Variants in CD2AP observed in about 807,000 individuals in gnomAD.
CD2AP encodes the protein CD2 associated protein.
Under a neutral mutation model 85.1 loss-of-function variants are expected in CD2AP, and 46 were observed. The ratio of observed to expected loss-of-function variants is 0.54; its 90% CI spans 0.43 to 0.69. The LOEUF (loss-of-function observed/expected upper bound fraction) is 0.69, where lower values mean the gene tolerates loss of function less well. Ranked by LOEUF, CD2AP falls within the 30% of genes least tolerant of loss-of-function variation. The pLI is 0.00. For missense variants in CD2AP, 769 were observed against 729.5 expected, an observed-to-expected ratio of 1.05 and a Z score of -0.62; for synonymous variants, 255 against 252.9, an observed-to-expected ratio of 1.01 and a Z score of -0.08.
chr6:47,582,489 G>A (rs780189676), intron 11 of CD2AP, among the ~76,000 whole-genome samples: 1 of 152,024 alleles, frequency 6.6e-6, no homozygotes, highest in Non-Finnish European at 1.5e-5. Flanking sequence ...GTTATTCCAG[G>A]GTACCACATG....
intron 17 of CD2AP, 22 bp from the exon 18 acceptor site, chr6:47,624,164 C>T (rs1419708966): frequency 6.3e-7 from 1 of 1,584,826 alleles, no homozygotes; most frequent in East Asian, 2.2e-5. Context: ...TATGTTTGCT[C>T]AATTTATGTT....
At position 47,582,064 on chromosome 6, in the gene CD2AP, G is replaced by T. The variant is rs928920231; in HGVS notation, c.1107G>T (p.Lys369Asn). The T allele has an allele frequency of 1.3e-6, 2 of 1,577,458 alleles. No homozygotes were observed. The highest frequency in any genetic ancestry group is 1.7e-6 in the Non-Finnish European group (2 of 1,146,862). ...KKYFSLKPEE[K>N]DEKSTLEQKP... ...ATTTTTCTTTAAAGCCTGAAGAAAA[G>T]GGTGAGGCTAATTTTCAACTTTCAA... The change falls in exon 11 of 18, where the codon AAG becomes AAT. Residue 369 changes from lysine (K) to asparagine (N), a missense_variant and splice_region_variant. Physicochemically the swap from Lys to Asn is moderately conservative, Grantham distance 94. Transcript: ENST00000359314.
intron 11 of CD2AP, among the ~76,000 whole-genome samples, chr6:47,589,715 A>G (rs895878998): frequency 8.6e-5 from 13 of 151,978 alleles, no homozygotes; most frequent in African/African-American, 2.2e-4. Context: ...GCATTTGCCA[A>G]TCTTGAAAGT....
chr6:47,478,190 CTGGAGG>C lies in CD2AP; in HGVS notation c.-54_-49del, dbSNP rs1285852689. 2.1e-5 allele frequency: 30 copies of C among 1,430,144 alleles called. No homozygotes were observed. Among genetic ancestry groups the C allele is most frequent in the East Asian group, 5.2e-5 (2 of 38,134 alleles). 88.6% of individuals were successfully genotyped at this position (1,430,144 alleles called of 1,614,324 possible). A position where few individuals can be genotyped will look rare whatever the true frequency, so the allele number is the denominator to read the frequency against. ...GCGGGAGCGGCCGCGCGAGCCACCA[CTGGAGG>C]AGGAGGAGGAGGAGCGGACGTCGGC... On this transcript the variant is annotated 5_prime_UTR_variant, in exon 1 of 18. Coordinates refer to ENST00000359314, the MANE Select transcript of CD2AP (RefSeq NM_012120.3).
At chr6:47,525,108 G>T (rs1766688268) in intron 2 of CD2AP, among the ~76,000 whole-genome samples, 1 of 151,566 alleles carries the variant, frequency 6.6e-6, no homozygotes. Context: ...AGTATGGTAG[G>T]CCATTTTGTT....
chr6:47,524,610 G>GTT (rs66491194), intron 2 of CD2AP, among the ~76,000 whole-genome samples: 101 of 133,388 alleles, frequency 7.6e-4, no homozygotes, highest in African/African-American at 2.0e-3. Flanking sequence ...GTTCTTAAGT[G>GTT]TTTTTTTTTC....
At chr6:47,593,923 T>C (rs1260722581) in intron 11 of CD2AP, among the ~76,000 whole-genome samples, 1 of 151,974 alleles carries the variant, frequency 6.6e-6, no homozygotes, top group Non-Finnish European at 1.5e-5. Flanking sequence ...GTTTTATATA[T>C]GTGTGTGTGT....
chr6:47,531,499 A>G (rs1295155810), intron 2 of CD2AP, among the ~76,000 whole-genome samples: 2 of 150,554 alleles, frequency 1.3e-5, no homozygotes, highest in Non-Finnish European at 3.0e-5. Context: ...TAAGGTATGT[A>G]CTGGCTCAGC....
intron 10 of CD2AP, 99 bp from the exon 11 acceptor site, chr6:47,581,904 T>A: frequency 1.3e-6 from 1 of 798,774 alleles, no homozygotes; most frequent in South Asian, 1.4e-5. Context: ...TGGTTTCATC[T>A]GATGTTATTT....
chr6:47,539,688 T>G (rs181953093), intron 3 of CD2AP, among the ~76,000 whole-genome samples: 33 of 152,308 alleles, frequency 2.2e-4, no homozygotes, highest in Admixed American at 6.5e-4. Flanking sequence ...GTGTTAATGC[T>G]TTGTTGTGTG....
chr6:47,541,280 C>T (rs1032393993), intron 3 of CD2AP, among the ~76,000 whole-genome samples: 9 of 152,108 alleles, frequency 5.9e-5, no homozygotes, highest in East Asian at 3.9e-4. Context: ...CCCACCACCA[C>T]GCCCGGCTAA....
intron 2 of CD2AP, among the ~76,000 whole-genome samples, chr6:47,520,246 C>T (rs1766550982): frequency 6.6e-6 from 1 of 152,104 alleles, no homozygotes; most frequent in African/African-American, 2.4e-5. Flanking sequence ...GATTTGTGTT[C>T]AAGTCCTGGT....
At chr6:47,568,058 C>T (rs1350089111) in intron 5 of CD2AP, among the ~76,000 whole-genome samples, 1 of 152,012 alleles carries the variant, frequency 6.6e-6, no homozygotes, top group Admixed American at 6.6e-5. Context: ...AGTGATAGCA[C>T]AAAGAACAGG....
rs886061519 is a variant in CD2AP at position 47,544,687 on chromosome 6, T to C, written c.401T>C (p.Ile134Thr). ...EDELELKVGD[I>T]IDINEEVEEG... ...GAACTGGAGCTGAAAGTGGGAGATA[T>C]TATTGATATTAATGAAGAGGTAAGG... Residue 134 changes from isoleucine (I) to threonine (T), a missense_variant, in exon 4 of 18, where the codon ATT (isoleucine) becomes ACT (threonine). Ile to Thr is a moderately conservative substitution (Grantham distance 89). Coordinates refer to ENST00000359314, the MANE Select transcript of CD2AP (RefSeq NM_012120.3). 1.0e-5 allele frequency: 16 copies of C among 1,606,932 alleles called. No homozygotes were observed. Among genetic ancestry groups the C allele is most frequent in the Non-Finnish European group, 1.4e-5 (16 of 1,173,804 alleles).
chr6:47,552,681 T>C (rs1562028517), intron 4 of CD2AP, among the ~76,000 whole-genome samples: 2 of 152,214 alleles, frequency 1.3e-5, no homozygotes, highest in South Asian at 2.1e-4. Flanking sequence ...TTGTTGCCAG[T>C]TGGGGTTCCA....
At chr6:47,581,919 A>G (rs1353713991) in intron 10 of CD2AP, 84 bp from the exon 11 acceptor site, 5 of 865,730 alleles carry the variant, frequency 5.8e-6, no homozygotes, top group Non-Finnish European at 9.9e-6. Flanking sequence ...TTATTTTTCA[A>G]CTCATCTTTA....
chr6:47,583,419 A>G (rs150300952), intron 11 of CD2AP, among the ~76,000 whole-genome samples: 101 of 152,272 alleles, frequency 6.6e-4, no homozygotes, highest in Non-Finnish European at 1.1e-3. Flanking sequence ...TATTCTACCT[A>G]TTCATCTGTC....
intron 10 of CD2AP, among the ~76,000 whole-genome samples, chr6:47,581,272 A>G (rs1432783146): frequency 1.3e-5 from 2 of 152,154 alleles, no homozygotes; most frequent in Non-Finnish European, 2.9e-5. Flanking sequence ...CTTTTCAGGG[A>G]ATATGCTGAA....
At chr6:47,502,499 T>G (rs904726880) in intron 1 of CD2AP, among the ~76,000 whole-genome samples, 14 of 150,286 alleles carry the variant, frequency 9.3e-5, no homozygotes, top group Admixed American at 7.9e-4. Context: ...CTGAGTTTTT[T>G]TTTTTTTTTT....
Sources: gnomAD v4.1 joint callset for allele counts (sites outside exome capture counted in the v4.1 genomes callset) on GRCh38, gnomAD v4.1.1 for gene constraint, MANE v1.5 for transcripts, NCBI Gene and HGNC (gene_info 2026-07-23, HGNC 2026-07-21) for gene names.